SLC1A2: variants seen among roughly 807,000 people sequenced by gnomAD.
SLC1A2 encodes excitatory amino acid transporter 2.
A neutral mutation model predicts 48.8 loss-of-function variants in SLC1A2; 15 were observed. The ratio of observed to expected loss-of-function variants is 0.31; its 90% CI spans 0.21 to 0.47. The LOEUF is 0.47. Among genes scored for constraint, SLC1A2 ranks in the 20% least tolerant of loss-of-function variants. The pLI, the probability that SLC1A2 is intolerant of heterozygous loss-of-function variation, is 0.99. For missense variants in SLC1A2, 502 were observed against 730.5 expected, an observed-to-expected ratio of 0.69 and a Z score of 3.61; for synonymous variants, 279 against 272.6, an observed-to-expected ratio of 1.02 and a Z score of -0.23.
At chr11:35,369,565 G>A (rs1037851597) in intron 1 of SLC1A2, among the ~76,000 whole-genome samples, 14 of 152,236 alleles carry the variant, frequency 9.2e-5, no homozygotes, top group African/African-American at 2.7e-4. Context: ...ACATTTTGTT[G>A]ATGCTTACCA....
At chr11:35,267,610 C>T (rs909472885) in intron 9 of SLC1A2, among the ~76,000 whole-genome samples, 1 of 152,134 alleles carries the variant, frequency 6.6e-6, no homozygotes, top group African/African-American at 2.4e-5. Flanking sequence ...ATTCCTATGG[C>T]AACGCTCCCA....
chr11:35,284,276 C>T lies in SLC1A2; in HGVS notation c.1286+2481G>A, dbSNP rs557350392. ...ACCTCAACTTACTGTGCCTCATTTTCTCCATCTGTAAAATATAGAACCCAA... is the reference window on the plus strand; with the variant it reads ...ACCTCAACTTACTGTGCCTCATTTTTTCCATCTGTAAAATATAGAACCCAA... On this transcript the variant is annotated intron_variant, in intron 8 of 10. Transcript: ENST00000278379. Among the ~76,000 whole-genome samples the T allele has an allele frequency of 4.6e-5, 7 of 151,952 alleles. No individual in the cohort carries two copies. In the South Asian group the frequency reaches 1.2e-3, roughly 27 times the overall value.
chr11:35,369,274 T>C (rs1329558751), intron 1 of SLC1A2, among the ~76,000 whole-genome samples: 5 of 152,168 alleles, frequency 3.3e-5, no homozygotes, highest in Non-Finnish European at 7.4e-5. Flanking sequence ...CCTTTTGTCA[T>C]GTAACTCGAG....
chr11:35,311,528 C>T (rs912841718), intron 4 of SLC1A2, among the ~76,000 whole-genome samples: 2 of 152,154 alleles, frequency 1.3e-5, no homozygotes, highest in African/African-American at 4.8e-5. Context: ...GGGGAGGAAA[C>T]AGCATTCTCA....
At chr11:35,375,863 G>T (rs1009915504) in intron 1 of SLC1A2, among the ~76,000 whole-genome samples, 2 of 152,176 alleles carry the variant, frequency 1.3e-5, no homozygotes, top group Non-Finnish European at 2.9e-5. Context: ...GTGACCCTAA[G>T]AATTGATTCT....
intron 1 of SLC1A2, among the ~76,000 whole-genome samples, chr11:35,338,904 C>A (rs1056765095): frequency 6.6e-6 from 1 of 152,196 alleles, no homozygotes; most frequent in Non-Finnish European, 1.5e-5. Context: ...GGACCCAGGT[C>A]TCCACTGAGC....
At chr11:35,377,333 T>C (rs1854275201) in intron 1 of SLC1A2, among the ~76,000 whole-genome samples, 2 of 152,322 alleles carry the variant, frequency 1.3e-5, no homozygotes, top group South Asian at 2.1e-4. Context: ...TCAACCAATA[T>C]TGGACTGGCT....
At chr11:35,278,895 T>G (rs1272056081) in intron 9 of SLC1A2, among the ~76,000 whole-genome samples, 1 of 152,112 alleles carries the variant, frequency 6.6e-6, no homozygotes, top group Non-Finnish European at 1.5e-5. Context: ...GGCACATGCC[T>G]GTAGTCCCAG....
intron 1 of SLC1A2, among the ~76,000 whole-genome samples, chr11:35,384,111 G>A (rs2135215053): frequency 6.6e-6 from 1 of 152,306 alleles, no homozygotes; most frequent in Non-Finnish European, 1.5e-5. Context: ...GTTCACCCTA[G>A]TGCAAATAAA....
chr11:35,284,114 T>TA (rs1554993927), intron 8 of SLC1A2, among the ~76,000 whole-genome samples: 1 of 139,680 alleles, frequency 7.2e-6, no homozygotes, highest in Admixed American at 7.3e-5. Flanking sequence ...TATATATAAA[T>TA]TATTATTTTG....
Position 35,257,514 on chromosome 11 carries a change from G to A in SLC1A2, c.*3380C>T, listed in dbSNP as rs759413886. 2 of 152,206 alleles carry A rather than the reference G, an allele frequency of 1.3e-5. No individual in the cohort carries two copies. The highest frequency in any genetic ancestry group is 2.9e-5 in the Non-Finnish European group (2 of 68,042). 9.4% of individuals were successfully genotyped at this position (152,206 alleles called of 1,614,324 possible). A position where few individuals can be genotyped will look rare whatever the true frequency, so the allele number is the denominator to read the frequency against. ...CAGCTCTCATAACCTAGAGTCCTAT[G>A]TTGAAGATCTGTGAGATCTAGATGA... On this transcript the variant is annotated 3_prime_UTR_variant, in exon 11 of 11. Transcript: ENST00000278379.
At chr11:35,367,889 CATAA>C (rs1255183818) in intron 1 of SLC1A2, among the ~76,000 whole-genome samples, 1 of 152,182 alleles carries the variant, frequency 6.6e-6, no homozygotes, top group African/African-American at 2.4e-5. Flanking sequence ...TATCACCTGC[CATAA>C]ATAGAGGGTG....
In SLC1A2 at chr11:35,259,760, T is replaced by C. The variant is rs1470662203; in HGVS notation, c.*1134A>G. ...TGGCTCTGCTTCCAACTGTGTCCTATAACTGGTTTTATGTGCTTTGATAGA... is the reference window on the plus strand; with the variant it reads ...TGGCTCTGCTTCCAACTGTGTCCTACAACTGGTTTTATGTGCTTTGATAGA... On this transcript the variant is annotated 3_prime_UTR_variant, in exon 11 of 11. Transcript: ENST00000278379. 3 of 152,252 alleles carry C rather than the reference T, an allele frequency of 2.0e-5. No homozygotes were observed. Among genetic ancestry groups the C allele is most frequent in the Non-Finnish European group, 4.4e-5 (3 of 68,048 alleles). 9.4% of individuals were successfully genotyped at this position (152,252 alleles called of 1,614,324 possible).
intron 1 of SLC1A2, among the ~76,000 whole-genome samples, chr11:35,356,662 G>A (rs535820286): frequency 1.8e-4 from 27 of 152,144 alleles, no homozygotes; most frequent in Admixed American, 3.9e-4. Context: ...TGCTCTTGTC[G>A]TTTACGCTTG....
At position 35,383,941 on chromosome 11, in the gene SLC1A2, C is replaced by T. The variant is rs74760031; in HGVS notation, c.17+35009G>A. 7.5e-3 allele frequency among the ~76,000 whole-genome samples: 1,145 copies of T among 152,282 alleles called. 11 individuals carry two copies. The highest frequency in any genetic ancestry group is 0.017 in the Middle Eastern group (5 of 294). On this transcript the variant is annotated intron_variant, in intron 1 of 10. Transcript: ENST00000278379. ...CTTCCATGGGGTTCTTCATGCTGAA[C>T]GGATGGCAATTGTTCTACTCGCTTG...
chr11:35,362,690 G>A (rs1412907333), intron 1 of SLC1A2, among the ~76,000 whole-genome samples: 1 of 152,124 alleles, frequency 6.6e-6, no homozygotes, highest in Non-Finnish European at 1.5e-5. Flanking sequence ...AAATTTCTTA[G>A]GCAAAACAAC....
chr11:35,366,259 C>T (rs1853846481), intron 1 of SLC1A2, among the ~76,000 whole-genome samples: 1 of 152,184 alleles, frequency 6.6e-6, no homozygotes, highest in African/African-American at 2.4e-5. Context: ...GTGAGCATGT[C>T]TCAGATGCTC....
intron 6 of SLC1A2, among the ~76,000 whole-genome samples, chr11:35,294,609 A>T (rs1174804143): frequency 6.6e-6 from 1 of 152,232 alleles, no homozygotes; most frequent in Non-Finnish European, 1.5e-5. Flanking sequence ...GCACCCTTTA[A>T]AGATGTCCAG....
intron 1 of SLC1A2, among the ~76,000 whole-genome samples, chr11:35,326,250 A>G (rs1298161688): frequency 6.6e-6 from 1 of 152,216 alleles, no homozygotes; most frequent in Non-Finnish European, 1.5e-5. Flanking sequence ...AAGCATCAAC[A>G]TCTCTAAATT....
Sources: gnomAD v4.1 joint callset for allele counts (sites outside exome capture counted in the v4.1 genomes callset) on GRCh38, gnomAD v4.1.1 for gene constraint, MANE v1.5 for transcripts, NCBI Gene and HGNC (gene_info 2026-07-23, HGNC 2026-07-21) for gene names.